Variants in ANGPT1 observed in about 807,000 individuals in gnomAD.
The protein encoded by ANGPT1 is angiopoietin 1.
Under a neutral mutation model 62.2 loss-of-function variants are expected in ANGPT1, and 17 were observed. The ratio of observed to expected loss-of-function variants is 0.27; its 90% CI spans 0.19 to 0.41. The LOEUF (loss-of-function observed/expected upper bound fraction) is 0.41. Ranked by LOEUF, ANGPT1 falls within the 10% of genes least tolerant of loss-of-function variation. ANGPT1 has a pLI of 1.00. For missense variants in ANGPT1, 478 were observed against 594.9 expected (o/e 0.80, Z 2.04); for synonymous variants, 199 against 198.9 (o/e 1.00, Z 0.00).
intron 1 of ANGPT1, among the ~76,000 whole-genome samples, chr8:107,357,631 G>A (rs1190149234): frequency 2.0e-5 from 3 of 152,080 alleles, no homozygotes; most frequent in South Asian, 2.1e-4. Context: ...AAATGGCAGC[G>A]ATGCAAACAC....
intron 7 of ANGPT1, among the ~76,000 whole-genome samples, chr8:107,271,904 T>TA (rs35257524): frequency 0.012 from 1,651 of 138,212 alleles, 18 homozygotes; most frequent in Middle Eastern, 0.03. Context: ...TTGATACTGG[T>TA]AAAAAAAAAA....
intron 2 of ANGPT1, among the ~76,000 whole-genome samples, chr8:107,342,153 A>G (rs558582016): frequency 6.6e-6 from 1 of 152,350 alleles, no homozygotes; most frequent in South Asian, 2.1e-4. Flanking sequence ...GCTTCTGTTC[A>G]AAGTCCTCTT....
chr8:107,427,510 CTT>C (rs1307244367), intron 1 of ANGPT1, among the ~76,000 whole-genome samples: 1 of 152,180 alleles, frequency 6.6e-6, no homozygotes, highest in East Asian at 1.9e-4. Context: ...GCTCTTGTCT[CTT>C]CAGGACAGAG....
At chr8:107,285,909 TGACATGCACTGA>T (rs1458298884) in intron 6 of ANGPT1, among the ~76,000 whole-genome samples, 2 of 152,000 alleles carry the variant, frequency 1.3e-5, no homozygotes, top group African/African-American at 4.8e-5. Flanking sequence ...AGTGAAGAGC[TGACATGCACTGA>T]GCATTCCAAT....
At chr8:107,271,650 A>G (rs1439513175) in intron 7 of ANGPT1, among the ~76,000 whole-genome samples, 1 of 151,992 alleles carries the variant, frequency 6.6e-6, no homozygotes, top group African/African-American at 2.4e-5. Flanking sequence ...CTATAGAGGA[A>G]GCAGAGTACT....
At chr8:107,431,767 G>A (rs940516664) in intron 1 of ANGPT1, among the ~76,000 whole-genome samples, 1 of 151,846 alleles carries the variant, frequency 6.6e-6, no homozygotes, top group African/African-American at 2.4e-5. Context: ...TATCATGCTA[G>A]GCACTGAGGA....
At chr8:107,453,981 T>C (rs1162413507) in intron 1 of ANGPT1, among the ~76,000 whole-genome samples, 2 of 152,030 alleles carry the variant, frequency 1.3e-5, no homozygotes, top group Non-Finnish European at 2.9e-5. Flanking sequence ...AGAATAGGTA[T>C]GGTTGTCTCT....
chr8:107,415,944 G>A (rs1586303480), intron 1 of ANGPT1, among the ~76,000 whole-genome samples: 1 of 152,046 alleles, frequency 6.6e-6, no homozygotes, highest in South Asian at 2.1e-4. Context: ...TTGCCATATT[G>A]TCCATTATAG....
chr8:107,375,634 A>C (rs754016768), intron 1 of ANGPT1, among the ~76,000 whole-genome samples: 21 of 152,182 alleles, frequency 1.4e-4, no homozygotes, highest in Non-Finnish European at 2.8e-4. Flanking sequence ...AGAAGAGTGG[A>C]CGAGGGACGT....
intron 1 of ANGPT1, among the ~76,000 whole-genome samples, chr8:107,489,432 T>C (rs557340844): frequency 1.3e-5 from 2 of 152,304 alleles, no homozygotes; most frequent in South Asian, 4.1e-4. Flanking sequence ...TCTTACTCTA[T>C]ATTTTTCAGT....
At chr8:107,471,555 A>G (rs529697696) in intron 1 of ANGPT1, among the ~76,000 whole-genome samples, 1 of 152,244 alleles carries the variant, frequency 6.6e-6, no homozygotes, top group African/African-American at 2.4e-5. Context: ...AAAGCTAAAA[A>G]AACAAAAATC....
At chr8:107,485,896 G>A in intron 1 of ANGPT1, among the ~76,000 whole-genome samples, 1 of 152,318 alleles carries the variant, frequency 6.6e-6, no homozygotes, top group African/African-American at 2.4e-5. Context: ...TAGATAAATA[G>A]TCAGACTCAA....
intron 1 of ANGPT1, among the ~76,000 whole-genome samples, chr8:107,393,136 A>AT (rs1435091894): frequency 1.3e-5 from 2 of 152,214 alleles, no homozygotes; most frequent in East Asian, 1.9e-4. Context: ...CTTTTTCATG[A>AT]TTTTTTTCCC....
intron 4 of ANGPT1, among the ~76,000 whole-genome samples, chr8:107,308,530 C>T (rs1389577585): frequency 6.6e-6 from 1 of 152,068 alleles, no homozygotes; most frequent in Non-Finnish European, 1.5e-5. Flanking sequence ...GTATCAAGCA[C>T]ATTGGGAACA....
At chr8:107,359,925 GAGAA>G (rs1816124206) in intron 1 of ANGPT1, among the ~76,000 whole-genome samples, 1 of 152,094 alleles carries the variant, frequency 6.6e-6, no homozygotes, top group Non-Finnish European at 1.5e-5. Flanking sequence ...TAAAGAACTA[GAGAA>G]AGAAAGAAAT....
chr8:107,323,532 C>A (rs974669268), intron 3 of ANGPT1, among the ~76,000 whole-genome samples: 4 of 152,130 alleles, frequency 2.6e-5, no homozygotes, highest in Non-Finnish European at 5.9e-5. Flanking sequence ...ATCTGATTGT[C>A]TTTTACACAG....
At chr8:107,343,372 C>T (rs1815737396) in intron 2 of ANGPT1, among the ~76,000 whole-genome samples, 1 of 152,058 alleles carries the variant, frequency 6.6e-6, no homozygotes, top group Non-Finnish European at 1.5e-5. Flanking sequence ...TCTTATCCCT[C>T]AAGGCAGCCG....
chr8:107,272,731 T>C (rs1813765825), intron 7 of ANGPT1, among the ~76,000 whole-genome samples: 1 of 149,268 alleles, frequency 6.7e-6, no homozygotes, highest in South Asian at 2.1e-4. Flanking sequence ...GTACATCATA[T>C]ACATATATAA....
chr8:107,475,313 T>C (rs1225636781), intron 1 of ANGPT1, among the ~76,000 whole-genome samples: 2 of 152,102 alleles, frequency 1.3e-5, no homozygotes, highest in Non-Finnish European at 2.9e-5. Flanking sequence ...TTGATAAACC[T>C]GACAAAAACA....
Sources: gnomAD v4.1 joint callset for allele counts (sites outside exome capture counted in the v4.1 genomes callset) on GRCh38, gnomAD v4.1.1 for gene constraint, MANE v1.5 for transcripts, NCBI Gene and HGNC (gene_info 2026-07-23, HGNC 2026-07-21) for gene names.